Variants in ALG9 observed in about 807,000 individuals in gnomAD.
ALG9 encodes alpha-1,2-mannosyltransferase ALG9.
Under a neutral mutation model 81.8 loss-of-function variants are expected in ALG9, and 55 were observed. The observed-to-expected ratio is 0.67, with a 90% confidence interval of 0.54 to 0.84. ALG9 has a LOEUF of 0.84. Ranked by LOEUF, ALG9 falls within the 40% of genes least tolerant of loss-of-function variation. The pLI is 0.00. For missense variants in ALG9, 629 were observed against 745.0 expected, an observed-to-expected ratio of 0.84 and a Z score of 1.81; for synonymous variants, 278 against 274.3, an observed-to-expected ratio of 1.01 and a Z score of -0.13.
At chr11:111,813,656 C>A (rs998964991) in intron 13 of ALG9, among the ~76,000 whole-genome samples, 2 of 152,128 alleles carry the variant, frequency 1.3e-5, no homozygotes, top group Non-Finnish European at 2.9e-5. Context: ...TGCTAATCAA[C>A]AAGACAAAGA....
chr11:111,837,795 C>T (rs1253600273), intron 11 of ALG9, among the ~76,000 whole-genome samples, 180 bp from the exon 12 acceptor site: 5 of 152,184 alleles, frequency 3.3e-5, no homozygotes, highest in African/African-American at 1.2e-4. Context: ...GCTGGGAACA[C>T]GGTTACAGCA....
intron 4 of ALG9, among the ~76,000 whole-genome samples, chr11:111,861,304 G>C (rs1471663342): frequency 6.6e-6 from 1 of 152,160 alleles, no homozygotes; most frequent in Non-Finnish European, 1.5e-5. Flanking sequence ...ACATACCCAC[G>C]TGTTCATCAT....
chr11:111,820,915 C>A (rs962769592), intron 13 of ALG9, among the ~76,000 whole-genome samples: 4 of 102,834 alleles, frequency 3.9e-5, no homozygotes, highest in Non-Finnish European at 7.9e-5. Flanking sequence ...TCTCCAAACA[C>A]GCGCGCACAC....
At chr11:111,861,140 G>A (rs918928761) in intron 4 of ALG9, among the ~76,000 whole-genome samples, 1 of 152,182 alleles carries the variant, frequency 6.6e-6, no homozygotes, top group African/African-American at 2.4e-5. Context: ...AAAAGGCTAG[G>A]AGATAGATGA....
chr11:111,865,295 G>A, intron 3 of ALG9, 44 bp from the exon 4 acceptor site: 2 of 1,459,510 alleles, frequency 1.4e-6, no homozygotes, highest in Non-Finnish European at 1.9e-6. Flanking sequence ...ACAGATATGA[G>A]CTAGAAAAAC....
At position 111,840,680 on chromosome 11, in the gene ALG9, CCA is replaced by C; in HGVS notation, c.1146_1147del (p.Cys382TrpfsTer66). The C allele has an allele frequency of 6.2e-7, 1 of 1,613,982 alleles. No homozygotes were observed. Among genetic ancestry groups the C allele is most frequent in the Non-Finnish European group, 8.5e-7 (1 of 1,179,978 alleles). ...CTGAAGTGCAGAGAGAGCCACAGCG[CCA>C]CAGAGACATATAAGTGGATACACAG... On this transcript the variant is annotated frameshift_variant, in exon 10 of 15. Transcript: ENST00000616540. LOFTEE classifies it high-confidence loss of function.
intron 14 of ALG9, among the ~76,000 whole-genome samples, chr11:111,798,808 T>G (rs565161256): frequency 5.9e-5 from 9 of 152,310 alleles, no homozygotes; most frequent in Non-Finnish European, 8.8e-5. Flanking sequence ...CTAGAACGTG[T>G]TGATTAAGAT....
rs76290058 is a variant in ALG9, at chr11:111,806,496, G to C, written c.1733+3147C>G. Among the ~76,000 whole-genome samples the C allele has an allele frequency of 3.2e-3, 493 of 152,120 alleles. 3 individuals are homozygous for C. The highest frequency in any genetic ancestry group is 0.011 in the African/African-American group (472 of 41,500). ...GAAAACATTTTCTTGCCTTAGCTTC[G>C]AGGGTACTCTCCTCTCCTGGGTTTC... On this transcript the variant is annotated intron_variant, in intron 14 of 14. Coordinates refer to ENST00000616540, the MANE Select transcript of ALG9 (RefSeq NM_024740.2).
chr11:111,789,278 G>T (rs1247785797), intron 14 of ALG9, among the ~76,000 whole-genome samples: 1 of 151,888 alleles, frequency 6.6e-6, no homozygotes, highest in Admixed American at 6.6e-5. Flanking sequence ...TTGAGACAGG[G>T]TCTCGCTCTG....
At chr11:111,837,046 C>T (rs1162408562) in intron 12 of ALG9, among the ~76,000 whole-genome samples, 6 of 152,250 alleles carry the variant, frequency 3.9e-5, no homozygotes, top group Non-Finnish European at 7.3e-5. Context: ...TCCCCAGTGT[C>T]CACATAATGG....
At chr11:111,859,088 C>T (rs548453727) in intron 5 of ALG9, among the ~76,000 whole-genome samples, 69 of 152,222 alleles carry the variant, frequency 4.5e-4, no homozygotes, top group Non-Finnish European at 7.9e-4. Context: ...TGCCTATAGT[C>T]CTAGCTACTT....
chr11:111,810,060 A>G (rs1555089766), intron 13 of ALG9, among the ~76,000 whole-genome samples: 3 of 152,140 alleles, frequency 2.0e-5, no homozygotes, highest in Non-Finnish European at 2.9e-5. Flanking sequence ...TGAGCCCACA[A>G]TCTCCCTCTG....
chr11:111,798,039 C>CA (rs763436358), intron 14 of ALG9: 10 of 157,132 alleles, frequency 6.4e-5, no homozygotes, highest in Non-Finnish European at 1.4e-5. Flanking sequence ...CCTGTCTCTA[C>CA]AAAAAACACA....
intron 4 of ALG9, among the ~76,000 whole-genome samples, chr11:111,864,952 T>C (rs1555151381): frequency 6.6e-6 from 1 of 152,074 alleles, no homozygotes; most frequent in East Asian, 1.9e-4. Flanking sequence ...TAATTTTGTA[T>C]TTTTAGTAGA....
chr11:111,800,475 C>A (rs782165545), intron 14 of ALG9, among the ~76,000 whole-genome samples: 12 of 151,314 alleles, frequency 7.9e-5, no homozygotes, highest in Non-Finnish European at 1.3e-4. Flanking sequence ...AGCGAGACTC[C>A]GTCTCAAAAA....
At position 111,844,345 on chromosome 11, in the gene ALG9, T is replaced by C. The variant is rs1041965185; in HGVS notation, c.1018+256A>G. On this transcript the variant is annotated intron_variant, in intron 9 of 14. Transcript: ENST00000616540. ...TAAATATTTTTACTTCCCTGGGTGA[T>C]TGTGTAAATTATATTGACTTCCTCA... Among the ~76,000 whole-genome samples, 7 of 152,308 alleles carry C rather than the reference T, an allele frequency of 4.6e-5. No individual in the cohort carries two copies. The South Asian group carries it at 8.3e-4, about 18-fold the overall frequency.
At chr11:111,870,399 A>AAAAAAAAAC in intron 1 of ALG9, 29 bp from the exon 2 acceptor site, 1 of 1,519,836 alleles carries the variant, frequency 6.6e-7, no homozygotes, top group Non-Finnish European at 8.8e-7. Context: ...AAAAAAAAAA[A>AAAAAAAAAC]AAAAAGCATG....
chr11:111,807,248 T>C (rs1950058080), intron 14 of ALG9, among the ~76,000 whole-genome samples: 1 of 152,190 alleles, frequency 6.6e-6, no homozygotes, highest in Admixed American at 6.6e-5. Context: ...AAGCTCTTTA[T>C]AACCTGCACT....
intron 8 of ALG9, 96 bp downstream of exon 8, chr11:111,853,284 C>T (rs1958117532): frequency 2.4e-6 from 2 of 836,422 alleles, no homozygotes; most frequent in Non-Finnish European, 4.1e-6. Context: ...CCAAGAAATG[C>T]TACATCTAAT....
Sources: gnomAD v4.1 joint callset for allele counts (sites outside exome capture counted in the v4.1 genomes callset) on GRCh38, gnomAD v4.1.1 for gene constraint, MANE v1.5 for transcripts, NCBI Gene and HGNC (gene_info 2026-07-23, HGNC 2026-07-21) for gene names.